The following SUGCT variants were observed in gnomAD, a reference collection of about 807,000 sequenced individuals.
SUGCT encodes succinyl-CoA:glutarate-CoA transferase, also known as succinyl-CoA:glutarate CoA-transferase.
A neutral mutation model predicts 55.0 loss-of-function variants in SUGCT; 41 were observed. The ratio of observed to expected loss-of-function variants is 0.74; its 90% confidence interval spans 0.58 to 0.97. The LOEUF (loss-of-function observed/expected upper bound fraction) is 0.97. Ranked by LOEUF, SUGCT falls within the 50% of genes least tolerant of loss-of-function variation. SUGCT has a pLI of 0.00. For missense variants in SUGCT, 568 were observed against 547.8 expected, an observed-to-expected ratio of 1.04 and a Z score of -0.37; for synonymous variants, 187 against 200.4, an observed-to-expected ratio of 0.93 and a Z score of 0.56.
chr7:40,609,877 A>G (rs886901448), intron 12 of SUGCT, among the ~76,000 whole-genome samples: 3 of 152,214 alleles, frequency 2.0e-5, no homozygotes, highest in African/African-American at 7.2e-5. Flanking sequence ...AGAATGCATT[A>G]TAGGCCATTA....
rs1785240276 is a variant in SUGCT, at chr7:40,182,001, G to A, written c.199G>A (p.Ala67Thr). ...FATMNLGDLG[A>T]EVIKVERPGA... is the part of the protein sequence containing the mutation. ...TACTATGAATTTAGGAGATCTTGGA[G>A]CAGAAGTTATAAAAGTGGAGAGACC... The change falls in exon 3 of 14, where the codon GCA (alanine) becomes ACA (threonine). Residue 67 changes from alanine (A) to threonine (T), a missense_variant. Coordinates refer to ENST00000335693, the MANE Select transcript of SUGCT (RefSeq NM_001193313.2). 3 of 1,601,788 alleles carry A rather than the reference G, an allele frequency of 1.9e-6. No individual in the cohort carries two copies. Among genetic ancestry groups the A allele is most frequent in the Non-Finnish European group, 2.6e-6 (3 of 1,172,558 alleles).
the SUGCT span, among the ~76,000 whole-genome samples, chr7:40,943,714 A>G: frequency 6.6e-6 from 1 of 151,360 alleles, no homozygotes; most frequent in Non-Finnish European, 1.5e-5. Flanking sequence ...AGTCTTTGCT[A>G]TTGTGAATAG....
intron 9 of SUGCT, among the ~76,000 whole-genome samples, chr7:40,405,940 C>G (rs1786346195): frequency 6.6e-6 from 1 of 151,976 alleles, no homozygotes; most frequent in Non-Finnish European, 1.5e-5. Flanking sequence ...GTCTGCTGCC[C>G]AGATAGAGCC....
intron 8 of SUGCT, among the ~76,000 whole-genome samples, chr7:40,289,238 A>G (rs1381281011): frequency 6.6e-6 from 1 of 152,162 alleles, no homozygotes; most frequent in Non-Finnish European, 1.5e-5. Flanking sequence ...GGTTCTTGTA[A>G]GAGAGAGGCG....
chr7:40,972,851 A>G, the SUGCT span, among the ~76,000 whole-genome samples: 2 of 152,132 alleles, frequency 1.3e-5, no homozygotes, highest in African/African-American at 2.4e-5. Flanking sequence ...ACTGCTGTAG[A>G]CCTTCTGTAA....
intron 11 of SUGCT, among the ~76,000 whole-genome samples, chr7:40,483,445 A>G (rs1204424051): frequency 6.6e-6 from 1 of 152,206 alleles, no homozygotes; most frequent in Non-Finnish European, 1.5e-5. Context: ...GAATACTTTC[A>G]AAGTGTTAAT....
At chr7:40,365,812 C>G (rs1223981221) in intron 9 of SUGCT, among the ~76,000 whole-genome samples, 1 of 152,190 alleles carries the variant, frequency 6.6e-6, no homozygotes, top group Non-Finnish European at 1.5e-5. Flanking sequence ...TAGGCAGAAT[C>G]AATATCCTGA....
At chr7:40,367,214 A>G (rs1454401225) in intron 9 of SUGCT, among the ~76,000 whole-genome samples, 3 of 141,462 alleles carry the variant, frequency 2.1e-5, no homozygotes, top group Non-Finnish European at 4.6e-5. Context: ...GAATTGAACA[A>G]TGAGAACACA....
At chr7:40,939,566 T>A in the SUGCT span, among the ~76,000 whole-genome samples, 8 of 152,230 alleles carry the variant, frequency 5.3e-5, no homozygotes, top group Non-Finnish European at 1.5e-5. Context: ...TTTGATTTTT[T>A]AATAATGGCC....
At chr7:40,250,602 A>C (rs1790304786) in intron 7 of SUGCT, among the ~76,000 whole-genome samples, 1 of 152,036 alleles carries the variant, frequency 6.6e-6, no homozygotes, top group South Asian at 2.1e-4. Context: ...GACAAACATA[A>C]ATTATTTTAT....
intron 9 of SUGCT, among the ~76,000 whole-genome samples, chr7:40,416,586 T>C (rs1408059583): frequency 2.0e-5 from 3 of 151,982 alleles, no homozygotes; most frequent in African/African-American, 7.2e-5. Flanking sequence ...ATTATGTTTA[T>C]TGGTCATCTT....
intron 10 of SUGCT, among the ~76,000 whole-genome samples, chr7:40,450,075 C>T (rs1236846240): frequency 1.3e-5 from 2 of 152,052 alleles, no homozygotes; most frequent in Non-Finnish European, 2.9e-5. Context: ...ATGACAGGTG[C>T]GTGCCACCAT....
At chr7:40,859,799 C>T (rs1794394982) in intron 13 of SUGCT, among the ~76,000 whole-genome samples, 1 of 152,192 alleles carries the variant, frequency 6.6e-6, no homozygotes, top group African/African-American at 2.4e-5. Flanking sequence ...CACATAACTT[C>T]TTCTACCACC....
At chr7:40,216,677 C>G (rs1787671149) in intron 6 of SUGCT, among the ~76,000 whole-genome samples, 1 of 151,718 alleles carries the variant, frequency 6.6e-6, no homozygotes, top group Non-Finnish European at 1.5e-5. Flanking sequence ...CATGGTCAAA[C>G]CCCACCTCTT....
chr7:40,429,610 C>G (rs1787786513), intron 9 of SUGCT, among the ~76,000 whole-genome samples: 1 of 152,124 alleles, frequency 6.6e-6, no homozygotes, highest in Non-Finnish European at 1.5e-5. Context: ...AGATGGAGGC[C>G]AGGAGACTCA....
intron 13 of SUGCT, among the ~76,000 whole-genome samples, chr7:40,807,772 T>G (rs1791182807): frequency 6.6e-6 from 1 of 152,062 alleles, no homozygotes; most frequent in African/African-American, 2.4e-5. Flanking sequence ...GATCACAAGG[T>G]GAGGTCCCAC....
intron 12 of SUGCT, among the ~76,000 whole-genome samples, chr7:40,523,891 T>G (rs1793678222): frequency 6.6e-6 from 1 of 152,200 alleles, no homozygotes; most frequent in South Asian, 2.1e-4. Flanking sequence ...TTTCTCTCAA[T>G]TTTTTTCTTT....
intron 1 of SUGCT, among the ~76,000 whole-genome samples, chr7:40,171,228 C>G (rs1478966356): frequency 6.6e-6 from 1 of 152,118 alleles, no homozygotes; most frequent in African/African-American, 2.4e-5. Context: ...TCCTATGTGC[C>G]TTTTTCCTAC....
chr7:40,637,722 T>C (rs1044541444), intron 12 of SUGCT, among the ~76,000 whole-genome samples: 4 of 152,248 alleles, frequency 2.6e-5, no homozygotes, highest in Admixed American at 6.5e-5. Flanking sequence ...TCTTGTTTCT[T>C]AGTTTTATAA....
Sources: allele counts gnomAD v4.1 joint callset (sites outside exome capture counted in the v4.1 genomes callset), GRCh38; gene constraint gnomAD v4.1.1; transcripts MANE v1.5; gene names NCBI Gene and HGNC (gene_info 2026-07-23, HGNC 2026-07-21).